The following RAD51AP1 variants were observed in gnomAD, a reference collection of about 807,000 sequenced individuals.
RAD51AP1 encodes RAD51 associated protein 1.
RAD51AP1 carries 14 observed loss-of-function variants against 34.3 expected under a neutral mutation model. The ratio of observed to expected loss-of-function variants is 0.41; its 90% CI spans 0.27 to 0.64. The LOEUF is 0.64. Ranked by LOEUF, RAD51AP1 falls within the 30% of genes least tolerant of loss-of-function variation. RAD51AP1 has a pLI of 0.33. For missense variants in RAD51AP1, 348 were observed against 386.9 expected (o/e 0.90, Z 0.84); for synonymous variants, 114 against 129.8 (o/e 0.88, Z 0.83).
chr12:4,545,536 T>C (rs1944499826), intron 3 of RAD51AP1, among the ~76,000 whole-genome samples: 1 of 152,210 alleles, frequency 6.6e-6, no homozygotes, highest in African/African-American at 2.4e-5. Context: ...ATTGTTTACT[T>C]TAAAAGGTAA....
rs192463601 is a variant in RAD51AP1, at chr12:4,552,409, A to G, written c.557-574A>G. Among the ~76,000 whole-genome samples the G allele has an allele frequency of 3.8e-4, 58 of 152,336 alleles. No homozygotes were observed. The East Asian group carries it at 8.7e-3, about 23-fold the overall frequency. On this transcript the variant is annotated intron_variant, in intron 6 of 8. Coordinates refer to ENST00000352618, the MANE Select transcript of RAD51AP1 (RefSeq NM_006479.5). ...TTTTGAGAAATAAAGGTTTGTCCCAAATGAAATCAGCTCTAGGATTATCTG... is the reference window on the plus strand; with the variant it reads ...TTTTGAGAAATAAAGGTTTGTCCCAGATGAAATCAGCTCTAGGATTATCTG...
intron 8 of RAD51AP1, among the ~76,000 whole-genome samples, chr12:4,558,195 A>C (rs1944595850): frequency 6.6e-6 from 1 of 152,180 alleles, no homozygotes; most frequent in Non-Finnish European, 1.5e-5. Context: ...CTGGTAATTA[A>C]GGAAGTGTAA....
chr12:4,548,636 A>G, intron 5 of RAD51AP1, 51 bp from the exon 6 acceptor site: 1 of 1,578,076 alleles, frequency 6.3e-7, no homozygotes, highest in Non-Finnish European at 8.7e-7. Context: ...AGTTCTTGAA[A>G]TATCAGTTGT....
intron 4 of RAD51AP1, among the ~76,000 whole-genome samples, chr12:4,547,673 G>A (rs921908358): frequency 4.6e-5 from 7 of 152,124 alleles, no homozygotes; most frequent in East Asian, 1.9e-4. Flanking sequence ...AGTTCTTAAC[G>A]TTAGTAAAAG....
rs188136628 is a variant in RAD51AP1 at position 4,559,645 on chromosome 12, A to G, written c.*652A>G. On this transcript the variant is annotated 3_prime_UTR_variant, in exon 9 of 9. Coordinates refer to ENST00000352618, the MANE Select transcript of RAD51AP1 (RefSeq NM_006479.5). ...TTGAAATGCCCTTTTTCTTGATACC[A>G]CTCATCCACGTGTTCCTGATTGTCC... 2.6e-4 allele frequency: 39 copies of G among 152,292 alleles called. No homozygotes were observed. Among genetic ancestry groups the G allele is most frequent in the Admixed American group, 2.2e-3 (33 of 15,296 alleles). The allele number at this position is 152,292 out of a possible 1,614,324, so 9.4% of individuals were successfully genotyped here. A position where few individuals can be genotyped will look rare whatever the true frequency, so the allele number is the denominator to read the frequency against.
In RAD51AP1 at chr12:4,558,985, A is replaced by G. The variant is rs1944602463; in HGVS notation, c.1000A>G (p.Ser334Gly). ...RVKPLHPNAT[S>G]T The stretch of plus-strand genomic sequence containing the variant: ...TAAACCTTTGCATCCAAATGCCACT[A>G]GCACCTGAGTGTGGTACAGGAGGAA... Residue 334 changes from serine to glycine, a missense_variant, in exon 9 of 9, where the codon AGC becomes GGC. Transcript: ENST00000352618. 1 of 1,614,084 alleles carries G rather than the reference A, an allele frequency of 6.2e-7. No individual in the cohort carries two copies. Among genetic ancestry groups the G allele is most frequent in the Non-Finnish European group, 8.5e-7 (1 of 1,179,942 alleles).
intron 7 of RAD51AP1, among the ~76,000 whole-genome samples, chr12:4,553,907 C>T (rs1944564689): frequency 6.6e-6 from 1 of 151,944 alleles, no homozygotes; most frequent in Non-Finnish European, 1.5e-5. Context: ...TTAGTCTTTC[C>T]ATTTATTCAT....
chr12:4,545,906 A>G (rs759992461), intron 3 of RAD51AP1: 3 of 1,526,936 alleles, frequency 2.0e-6, no homozygotes, highest in African/African-American at 1.4e-5. Context: ...AATAATTTTA[A>G]TTTAATGTAA....
At chr12:4,546,215 C>A in intron 3 of RAD51AP1, 94 bp from the exon 4 acceptor site, 1 of 941,590 alleles carries the variant, frequency 1.1e-6, no homozygotes. Flanking sequence ...AAGTTAGCAA[C>A]TCTTGAATAG....
rs756773255 is a variant in RAD51AP1, at chr12:4,548,044, C to G, written c.320-48C>G. On this transcript the variant is annotated intron_variant, in intron 4 of 8. Transcript: ENST00000352618. ...TAGTACTAATTTTCCTATATCTAGACATTGATTAAGATATATCTGAATTTT... is the reference window on the plus strand; with the variant it reads ...TAGTACTAATTTTCCTATATCTAGAGATTGATTAAGATATATCTGAATTTT... 2.2e-5 allele frequency: 33 copies of G among 1,520,022 alleles called. No homozygotes were observed. The South Asian group carries it at 3.9e-4, about 18-fold the overall frequency. 94.2% of individuals were successfully genotyped at this position (1,520,022 alleles called of 1,614,324 possible). A position where few individuals can be genotyped will look rare whatever the true frequency, so the allele number is the denominator to read the frequency against.
intron 7 of RAD51AP1, among the ~76,000 whole-genome samples, chr12:4,554,048 T>G (rs1476385687): frequency 2.2e-5 from 2 of 91,498 alleles, no homozygotes; most frequent in Non-Finnish European, 5.0e-5. Context: ...AATTAGAGTG[T>G]TTTTTTTTTA....
At chr12:4,556,872 G>T (rs527589735) in intron 8 of RAD51AP1, among the ~76,000 whole-genome samples, 1 of 152,302 alleles carries the variant, frequency 6.6e-6, no homozygotes, top group East Asian at 1.9e-4. Flanking sequence ...TTTTGCTCAG[G>T]ACCTGCTGAC....
Position 4,548,814 on chromosome 12 carries a change from C to T in RAD51AP1, c.534C>T (p.Asp178=). ...GCAGTGATGGTGATAGTGCTAATGA[C>T]ACTGAACCAGACTTTGCACCTGGTA... ...LEGSDGDSAN[D]TEPDFAPGED... Residue 178 remains aspartate, a synonymous_variant, in exon 6 of 9, where the codon GAC becomes GAT. Transcript: ENST00000352618. The T allele has an allele frequency of 1.9e-6, 3 of 1,613,918 alleles. No individual in the cohort carries two copies. The highest frequency in any genetic ancestry group is 2.5e-6 in the Non-Finnish European group (3 of 1,179,916).
At chr12:4,555,926 T>A (rs1292641532) in intron 7 of RAD51AP1, among the ~76,000 whole-genome samples, 3 of 152,224 alleles carry the variant, frequency 2.0e-5, no homozygotes, top group Admixed American at 2.0e-4. Flanking sequence ...AGGAGCCATG[T>A]TTCTAACCCT....
chr12:4,541,653 G>A (rs543723022), intron 1 of RAD51AP1, among the ~76,000 whole-genome samples: 6 of 152,052 alleles, frequency 3.9e-5, no homozygotes, highest in South Asian at 2.1e-4. Flanking sequence ...ATAAATCCCC[G>A]CGGTAAAATG....
chr12:4,542,703 G>A (rs1944476504), intron 2 of RAD51AP1, among the ~76,000 whole-genome samples: 1 of 151,990 alleles, frequency 6.6e-6, no homozygotes, highest in South Asian at 2.1e-4. Flanking sequence ...ACAAGTATTA[G>A]TGCTTGCTGA....
rs1473207658 is a variant in RAD51AP1 at position 4,558,860 on chromosome 12, C to A, written c.875C>A (p.Ala292Glu). 1 of 1,613,906 alleles carries A rather than the reference C, an allele frequency of 6.2e-7. No homozygotes were observed. The highest frequency in any genetic ancestry group is 1.7e-5 in the Admixed American group (1 of 59,998). ...CACATCATATGTTTCCTTTCAGCGGCATCTGGAGGTAGCAGAAGTAGCAGC... is the reference window on the plus strand; with the variant it reads ...CACATCATATGTTTCCTTTCAGCGGAATCTGGAGGTAGCAGAAGTAGCAGC... ...SKKPKWVPPA[A>E]SGGSRSSSSP... Residue 292 changes from alanine (A) to glutamate (E), a missense_variant, in exon 9 of 9, where the codon GCA (alanine) becomes GAA (glutamate). Ala to Glu is a moderately radical substitution (Grantham distance 107). Transcript: ENST00000352618.
In RAD51AP1 at chr12:4,538,946, C is replaced by T; in HGVS notation, c.7C>T (p.Arg3Trp). ...CCAAGCCTTGAAAGGGACCATGGTG[C>T]GGCCTGTGAGGTGGGTAGTTCCTGA... The part of the protein sequence containing the change: MV[R>W]PVRHKKPVNY... Residue 3 changes from arginine to tryptophan, a missense_variant, in exon 1 of 9, where the codon CGG becomes TGG. Arg to Trp is a moderately radical substitution (Grantham distance 101). Transcript: ENST00000352618. The T allele has an allele frequency of 3.7e-6, 6 of 1,613,796 alleles. No individual in the cohort carries two copies. The highest frequency in any genetic ancestry group is 1.3e-5 in the African/African-American group (1 of 75,016).
chr12:4,542,322 C>T (rs1187907315), intron 2 of RAD51AP1, among the ~76,000 whole-genome samples: 1 of 152,172 alleles, frequency 6.6e-6, no homozygotes, highest in Non-Finnish European at 1.5e-5. Flanking sequence ...AAAGGTTAGG[C>T]TTATGTTATG....
Sources: gnomAD v4.1 joint callset for allele counts (sites outside exome capture counted in the v4.1 genomes callset) on GRCh38, gnomAD v4.1.1 for gene constraint, MANE v1.5 for transcripts, NCBI Gene and HGNC (gene_info 2026-07-23, HGNC 2026-07-21) for gene names.